Variants in COL4A5 observed in about 807,000 individuals in gnomAD.
COL4A5 encodes collagen alpha-5(IV) chain.
A neutral mutation model predicts 130.2 loss-of-function variants in COL4A5; 26 were observed. The ratio of observed to expected loss-of-function variants is 0.20; its 90% CI spans 0.15 to 0.28. COL4A5 has a LOEUF of 0.28. Ranked by LOEUF, COL4A5 falls within the 10% of genes least tolerant of loss-of-function variation. The probability of loss-of-function intolerance (pLI) is 1.00; values close to 1 mark genes in which losing one functional copy is unlikely to be tolerated. For missense variants in COL4A5, 1,131 were observed against 1,344.3 expected (o/e 0.84, Z 2.48); for synonymous variants, 496 against 439.6 (o/e 1.13, Z -1.60).
rs1212751595 is a variant in COL4A5, at chrX:108,551,501, CTAT to C, written c.142-7557_142-7555del. On this transcript the variant is annotated intron_variant, in intron 2 of 52. Coordinates refer to ENST00000328300, the MANE Select transcript of COL4A5 (RefSeq NM_033380.3). ...GGCTATTATTAAAAAGTTAGAATGG[CTAT>C]TATTAAAAAGTTAAAAACAGATGTT... Among the ~76,000 whole-genome samples, 10 of 111,355 alleles carry C rather than the reference CTAT, an allele frequency of 9.0e-5. No individual in the cohort carries two copies. In the Admixed American group the frequency reaches 9.6e-4, roughly 11 times the overall value.
intron 1 of COL4A5, among the ~76,000 whole-genome samples, chrX:108,452,066 A>T (rs914837080): frequency 1.8e-5 from 2 of 112,021 alleles, no homozygotes; most frequent in African/African-American, 6.5e-5. Flanking sequence ...TCCCAGCACC[A>T]TTTATTAAAT....
chrX:108,557,899 A>G (rs1444493140), intron 2 of COL4A5, among the ~76,000 whole-genome samples: 1 of 110,578 alleles, frequency 9.0e-6, no homozygotes, highest in African/African-American at 3.3e-5. Context: ...AGCACGTGCC[A>G]TGAAGCTGTC....
At chrX:108,464,316 A>G (rs1021429446) in intron 1 of COL4A5, among the ~76,000 whole-genome samples, 39 of 111,874 alleles carry the variant, frequency 3.5e-4, no homozygotes, top group African/African-American at 1.3e-3. Context: ...CCAATATTTT[A>G]TATATTAAAA....
intron 1 of COL4A5, among the ~76,000 whole-genome samples, chrX:108,525,989 C>G (rs2065307580): frequency 8.9e-6 from 1 of 111,902 alleles, no homozygotes; most frequent in African/African-American, 3.3e-5. Context: ...GAGCTTTTGC[C>G]TTATGAGTTA....
At chrX:108,471,915 G>A (rs770326692) in intron 1 of COL4A5, among the ~76,000 whole-genome samples, 1 of 110,986 alleles carries the variant, frequency 9.0e-6, no homozygotes, top group Non-Finnish European at 1.9e-5. Flanking sequence ...AGTTTCAGAA[G>A]GTATAAATAT....
rs1196059658 is a variant in COL4A5 at position 108,568,660 on chromosome X, C to T, written c.308C>T (p.Thr103Ile). Reference protein sequence around the residue: ...GPPGLPGFPGTPGLPGMPGHD... With the variant: ...GPPGLPGFPGIPGLPGMPGHD... Reference sequence around the variant, plus strand: ...CCTGGACTTCCTGGATTTCCAGGGACACCAGGTCTTCCTGTAAGTAGCATT... The same window carrying T: ...CCTGGACTTCCTGGATTTCCAGGGATACCAGGTCTTCCTGTAAGTAGCATT... Residue 103 changes from threonine (T) to isoleucine (I), a missense_variant, in exon 5 of 53, where the codon ACA (threonine) becomes ATA (isoleucine). Transcript: ENST00000328300. 8.3e-7 allele frequency: 1 copy of T among 1,199,540 alleles called. No individual in the cohort carries two copies. The highest frequency in any genetic ancestry group is 1.8e-5 in the African/African-American group (1 of 56,762).
At chrX:108,680,323 C>G (rs780593385) in intron 44 of COL4A5, among the ~76,000 whole-genome samples, 2 of 111,672 alleles carry the variant, frequency 1.8e-5, no homozygotes, top group African/African-American at 6.5e-5. Flanking sequence ...TACCCAACCA[C>G]GGCCAGTTGG....
chrX:108,552,907 T>C (rs780652221), intron 2 of COL4A5, among the ~76,000 whole-genome samples: 1 of 112,219 alleles, frequency 8.9e-6, no homozygotes, highest in South Asian at 3.7e-4. Context: ...AGTGTGCTAT[T>C]AGCCAAATGA....
In COL4A5 at chrX:108,681,356, T is replaced by A. The variant is rs1247610934; in HGVS notation, c.4087+400T>A. ...TTGAGAAATAAGGAATCTGCTAAATTCCCCTACTAGATCAAAGGGTCCCTG... is the reference window on the plus strand; with the variant it reads ...TTGAGAAATAAGGAATCTGCTAAATACCCCTACTAGATCAAAGGGTCCCTG... On this transcript the variant is annotated intron_variant, in intron 46 of 52. Coordinates refer to ENST00000328300, the MANE Select transcript of COL4A5 (RefSeq NM_033380.3). 3.6e-5 allele frequency among the ~76,000 whole-genome samples: 4 copies of A among 109,717 alleles called. No individual in the cohort carries two copies. The East Asian group carries it at 1.1e-3, about 32-fold the overall frequency.
chrX:108,490,548 A>T (rs1367370649), intron 1 of COL4A5, among the ~76,000 whole-genome samples: 2 of 112,149 alleles, frequency 1.8e-5, no homozygotes, highest in Admixed American at 1.9e-4. Context: ...AATGTAGTAT[A>T]ACCTTTTATG....
In COL4A5 at chrX:108,576,672, A is replaced by G. The variant is rs750285550; in HGVS notation, c.609+700A>G. ...GAAGTAATTTCTCATGTGCCACTCT[A>G]TCTCTCATCTACCATATATTTAAGT... On this transcript the variant is annotated intron_variant, in intron 10 of 52. Transcript: ENST00000328300. Among the ~76,000 whole-genome samples the G allele has an allele frequency of 4.5e-5, 5 of 112,321 alleles. No individual in the cohort carries two copies. The South Asian group carries it at 1.9e-3, about 42-fold the overall frequency.
chrX:108,677,610 G>C lies in COL4A5; in HGVS notation c.3919G>C (p.Asp1307His). ...ACCTGGCTTGCCTGGTTTGAAAGGAGATCAAGGACCACCAGGACTCCAGGT... is the reference window on the plus strand; with the variant it reads ...ACCTGGCTTGCCTGGTTTGAAAGGACATCAAGGACCACCAGGACTCCAGGT... Reference protein sequence around the residue: ...GLPGLPGLKGDQGPPGLQGNP... With the variant: ...GLPGLPGLKGHQGPPGLQGNP... The change falls in exon 44 of 53, where the codon GAT becomes CAT. Residue 1307 changes from aspartate to histidine, a missense_variant. By Grantham distance (81) the Asp-to-His change is moderately conservative. Transcript: ENST00000328300. The C allele has an allele frequency of 8.3e-7, 1 of 1,210,969 alleles. No individual in the cohort carries two copies.
At chrX:108,452,846 G>A (rs964312056) in intron 1 of COL4A5, among the ~76,000 whole-genome samples, 14 of 111,124 alleles carry the variant, frequency 1.3e-4, no homozygotes, top group Non-Finnish European at 2.6e-4. Context: ...GCCCTGGCCA[G>A]AACTTCCAAC....
intron 48 of COL4A5, among the ~76,000 whole-genome samples, chrX:108,687,226 A>G (rs1220431839): frequency 1.8e-5 from 2 of 112,314 alleles, no homozygotes; most frequent in African/African-American, 6.5e-5. Context: ...TCATTGATGA[A>G]CAAAACAGCA....
intron 1 of COL4A5, among the ~76,000 whole-genome samples, chrX:108,516,759 G>A (rs1181271951): frequency 9.0e-6 from 1 of 111,468 alleles, no homozygotes; most frequent in African/African-American, 3.3e-5. Context: ...ATTTTATTAT[G>A]TTACTCATGT....
chrX:108,440,274 G>T (rs1038030435), intron 1 of COL4A5, 68 bp downstream of exon 1: 14 of 742,791 alleles, frequency 1.9e-5, no homozygotes, highest in Middle Eastern at 3.9e-4. Flanking sequence ...TTTTTTTTGG[G>T]GGGGGGGTCC....
chrX:108,652,544 G>GAA (rs2067752309), intron 36 of COL4A5, among the ~76,000 whole-genome samples: 1 of 112,344 alleles, frequency 8.9e-6, no homozygotes, highest in African/African-American at 3.2e-5. Flanking sequence ...TGGAATGCAA[G>GAA]AACAAAAGTG....
chrX:108,537,008 A>C (rs1221893762), intron 1 of COL4A5, among the ~76,000 whole-genome samples: 2 of 111,738 alleles, frequency 1.8e-5, no homozygotes, highest in Non-Finnish European at 3.8e-5. Context: ...TAGTTACTTA[A>C]AAAAACAAAA....
chrX:108,677,857 C>G (rs1440855443), intron 44 of COL4A5, among the ~76,000 whole-genome samples: 1 of 111,810 alleles, frequency 8.9e-6, no homozygotes, highest in Non-Finnish European at 1.9e-5. Flanking sequence ...CACCTGGAGT[C>G]TTTGGTATGC....
Sources: allele counts gnomAD v4.1 joint callset (sites outside exome capture counted in the v4.1 genomes callset), GRCh38; gene constraint gnomAD v4.1.1; transcripts MANE v1.5; gene names NCBI Gene and HGNC (gene_info 2026-07-23, HGNC 2026-07-21).